Variants in ERCC8 observed in about 807,000 individuals in gnomAD.
ERCC8 encodes the protein DNA excision repair protein ERCC-8.
Under a neutral mutation model 54.9 loss-of-function variants are expected in ERCC8, and 52 were observed. The ratio of observed to expected loss-of-function variants is 0.95; its 90% confidence interval spans 0.76 to 1.19. The LOEUF (loss-of-function observed/expected upper bound fraction) is 1.19, where lower values mean the gene tolerates loss of function less well. Ranked by LOEUF, ERCC8 falls within the 50% of genes most tolerant of loss-of-function variation. ERCC8 has a pLI of 0.00. For missense variants in ERCC8, 514 were observed against 466.1 expected, an observed-to-expected ratio of 1.10 and a Z score of -0.95; for synonymous variants, 146 against 157.2, an observed-to-expected ratio of 0.93 and a Z score of 0.53.
At chr5:60,909,544 T>G (rs1440955471) in intron 4 of ERCC8, 3 of 162,214 alleles carry the variant, frequency 1.8e-5, no homozygotes, top group Non-Finnish European at 4.0e-5. Flanking sequence ...GTGAAGATGA[T>G]GAGGATAAAG....
intron 2 of ERCC8, among the ~76,000 whole-genome samples, chr5:60,928,379 G>A (rs1291612540): frequency 2.0e-5 from 3 of 152,136 alleles, no homozygotes; most frequent in Non-Finnish European, 2.9e-5. Context: ...TGTTAGGTAG[G>A]TACTATTGTT....
Position 60,922,104 on chromosome 5 carries a change from G to A in ERCC8, c.225C>T (p.Asn75=), listed in dbSNP as rs2112522948. The A allele has an allele frequency of 3.7e-6, 6 of 1,610,520 alleles. No individual in the cohort carries two copies. The highest frequency in any genetic ancestry group is 2.7e-5 in the African/African-American group (2 of 74,932). ...ATGTGTAATAAGATTGTCTGCTGGAGTTCTCAAGGTCATAAAGTACAATCA... is the reference window on the plus strand; with the variant it reads ...ATGTGTAATAAGATTGTCTGCTGGAATTCTCAAGGTCATAAAGTACAATCA... ...DGVIVLYDLE[N]SSRQSYYTCK... The change falls in exon 3 of 12, where the codon AAC becomes AAT. Residue 75 remains asparagine (N), a synonymous_variant. Coordinates refer to ENST00000676185, the MANE Select transcript of ERCC8 (RefSeq NM_000082.4).
At chr5:60,935,909 T>C (rs889124894) in intron 1 of ERCC8, among the ~76,000 whole-genome samples, 1 of 152,226 alleles carries the variant, frequency 6.6e-6, no homozygotes, top group Admixed American at 6.5e-5. Flanking sequence ...TGGTGGATTA[T>C]ATTTTTTATA....
At chr5:60,918,675 G>A (rs567417438) in intron 3 of ERCC8, 13 of 406,622 alleles carry the variant, frequency 3.2e-5, no homozygotes, top group African/African-American at 2.0e-4. Flanking sequence ...AACTACACTG[G>A]TCTTCTTTCA....
chr5:60,893,929 T>G (rs1373964175), intron 9 of ERCC8, among the ~76,000 whole-genome samples: 2 of 151,720 alleles, frequency 1.3e-5, no homozygotes, highest in African/African-American at 4.8e-5. Context: ...TTTTACCCAT[T>G]AAACAGCAAA....
At chr5:60,936,810 T>C (rs921802171) in intron 1 of ERCC8, among the ~76,000 whole-genome samples, 1 of 152,238 alleles carries the variant, frequency 6.6e-6, no homozygotes, top group African/African-American at 2.4e-5. Context: ...TGAATCCTTT[T>C]CCCCTAAGGT....
Position 60,867,504 on chromosome 5 carries a change from A to C in ERCC8, c.*7111T>G, listed in dbSNP as rs1205154671. ...TAGTGATCATCACTGAGTTATTCTA[A>C]TAACTTTTTCCATAATACTCTGAAT... On this transcript the variant is annotated 3_prime_UTR_variant, in exon 12 of 12. Coordinates refer to ENST00000676185, the MANE Select transcript of ERCC8 (RefSeq NM_000082.4). Among the ~76,000 whole-genome samples, 3 of 152,226 alleles carry C rather than the reference A, an allele frequency of 2.0e-5. No individual in the cohort carries two copies. The highest frequency in any genetic ancestry group is 7.2e-5 in the African/African-American group (3 of 41,460).
intron 9 of ERCC8, among the ~76,000 whole-genome samples, chr5:60,894,176 G>C (rs954331880): frequency 6.6e-6 from 1 of 151,976 alleles, no homozygotes; most frequent in Non-Finnish European, 1.5e-5. Flanking sequence ...AGTAGACACG[G>C]GGTTTCACTG....
chr5:60,889,439 G>A (rs551685070), intron 10 of ERCC8, among the ~76,000 whole-genome samples: 1 of 152,220 alleles, frequency 6.6e-6, no homozygotes, highest in South Asian at 2.1e-4. Context: ...CTGCACAGCT[G>A]GGACTACAGG....
intron 11 of ERCC8, among the ~76,000 whole-genome samples, chr5:60,886,916 A>G (rs1450000887): frequency 6.6e-6 from 1 of 152,076 alleles, no homozygotes; most frequent in Non-Finnish European, 1.5e-5. Context: ...AAATATTTGA[A>G]TTGCTTTTAT....
chr5:60,890,939 T>C lies in ERCC8; in HGVS notation c.991A>G (p.Lys331Glu), dbSNP rs989442602. 6.2e-7 allele frequency: 1 copy of C among 1,613,518 alleles called. No homozygotes were observed. Among genetic ancestry groups the C allele is most frequent in the African/African-American group, 1.3e-5 (1 of 74,928 alleles). ...CAGTCAACAGTTTTATAATGTCCCT[T>C]AAGCATAGTTATCTGTTCTCCTGAG... ...VYSGEQITML[K>E]GHYKTVDCCV... Residue 331 changes from lysine (K) to glutamate (E), a missense_variant, in exon 10 of 12, where the codon AAG (lysine) becomes GAG (glutamate). Transcript: ENST00000676185.
chr5:60,910,106 A>T (rs891248344), intron 4 of ERCC8: 2 of 152,236 alleles, frequency 1.3e-5, no homozygotes, highest in Non-Finnish European at 2.9e-5. Flanking sequence ...GGTAATCAAA[A>T]ATTATACATA....
At chr5:60,910,811 G>A (rs1369189287) in intron 4 of ERCC8, among the ~76,000 whole-genome samples, 2 of 151,950 alleles carry the variant, frequency 1.3e-5, no homozygotes, top group Non-Finnish European at 2.9e-5. Context: ...CATGTCTTCT[G>A]TGAATGACAG....
At position 60,873,643 on chromosome 5, in the gene ERCC8, C is replaced by T. The variant is rs1458975932; in HGVS notation, c.*972G>A. Among the ~76,000 whole-genome samples, 1 of 152,062 alleles carries T rather than the reference C, an allele frequency of 6.6e-6. No individual in the cohort carries two copies. The highest frequency in any genetic ancestry group is 1.5e-5 in the Non-Finnish European group (1 of 68,026). On this transcript the variant is annotated 3_prime_UTR_variant, in exon 12 of 12. Transcript: ENST00000676185. ...AGTGAGCTGAGATCAAAACACTGCA[C>T]TCCGGCCTGAGCGACAGAGTGAAAC...
chr5:60,917,361 G>A (rs1749466460), intron 4 of ERCC8: 1 of 152,074 alleles, frequency 6.6e-6, no homozygotes, highest in South Asian at 2.1e-4. Flanking sequence ...AAAACTGGTA[G>A]AACATAGGAT....
In ERCC8 at chr5:60,866,940, G is replaced by A. The variant is rs1035477843; in HGVS notation, c.*7675C>T. On this transcript the variant is annotated 3_prime_UTR_variant, in exon 12 of 12. Transcript: ENST00000676185. ...GCTTACTGCAAGCGCTGCCTCCGGG[G>A]TTCACGCCATTCTCCTGCCTCAGCC... 1.3e-5 allele frequency: 2 copies of A among 152,092 alleles called. No individual in the cohort carries two copies. The highest frequency in any genetic ancestry group is 2.4e-5 in the African/African-American group (1 of 41,394). The allele number at this position is 152,092 out of a possible 1,614,324, so 9.4% of individuals were successfully genotyped here.
chr5:60,931,838 C>T (rs553812551), intron 1 of ERCC8, among the ~76,000 whole-genome samples: 66 of 152,240 alleles, frequency 4.3e-4, no homozygotes, highest in African/African-American at 1.4e-3. Flanking sequence ...TCCTTCAGCT[C>T]CCTCTTCCTA....
At chr5:60,882,875 A>G (rs769273326) in intron 11 of ERCC8, among the ~76,000 whole-genome samples, 2 of 152,112 alleles carry the variant, frequency 1.3e-5, no homozygotes, top group Non-Finnish European at 2.9e-5. Context: ...ATTAAAAGAC[A>G]TCTTGTCATT....
intron 11 of ERCC8, among the ~76,000 whole-genome samples, chr5:60,877,351 T>A (rs1262424697): frequency 2.0e-5 from 3 of 152,234 alleles, no homozygotes; most frequent in Admixed American, 1.3e-4. Context: ...TAGGATTGAC[T>A]TGGCAATGCG....
Sources: allele counts gnomAD v4.1 joint callset (sites outside exome capture counted in the v4.1 genomes callset), GRCh38; gene constraint gnomAD v4.1.1; transcripts MANE v1.5; gene names NCBI Gene and HGNC (gene_info 2026-07-23, HGNC 2026-07-21).